The following TULP4 variants were observed in gnomAD, a reference collection of about 807,000 sequenced individuals.
TULP4 encodes the protein TUB like protein 4, also known as tubby-related protein 4.
A neutral mutation model predicts 129.0 loss-of-function variants in TULP4; 16 were observed. The ratio of observed to expected loss-of-function variants is 0.12; its 90% CI spans 0.08 to 0.19. The LOEUF (loss-of-function observed/expected upper bound fraction) is 0.19. TULP4 is among the 10% of genes least tolerant of loss of function. The probability of loss-of-function intolerance (pLI) is 1.00; values close to 1 mark genes in which losing one functional copy is unlikely to be tolerated. For synonymous variants in TULP4, 998 were observed against 854.0 expected (o/e 1.17, Z -2.94); for missense variants, 1,842 against 2,059.1 (o/e 0.89, Z 2.04).
At chr6:158,392,790 A>ATTTTTTTTTTTTTTT (rs1554286987) in intron 1 of TULP4, among the ~76,000 whole-genome samples, 3 of 38,628 alleles carry the variant, frequency 7.8e-5, no homozygotes, top group Admixed American at 2.5e-4. Flanking sequence ...TTAAATTTGT[A>ATTTTTTTTTTTTTTT]TTTCTTTTTT....
At chr6:158,275,640 A>G (rs1379670400) in intron 1 of TULP4, among the ~76,000 whole-genome samples, 1 of 152,192 alleles carries the variant, frequency 6.6e-6, no homozygotes, top group Non-Finnish European at 1.5e-5. Context: ...ACTAATGGCA[A>G]GTTCTTTCAT....
intron 1 of TULP4, among the ~76,000 whole-genome samples, chr6:158,337,035 TTTTC>T (rs777358592): frequency 0.025 from 676 of 26,660 alleles, 15 homozygotes; most frequent in Middle Eastern, 0.04. Context: ...CTTTCTTTCT[TTTTC>T]TTTCTTTCTT....
Position 158,493,062 on chromosome 6 carries a change from C to T in TULP4, c.1632-511C>T, listed in dbSNP as rs1780252066. Among the ~76,000 whole-genome samples the T allele has an allele frequency of 6.6e-6, 1 of 152,250 alleles. No homozygotes were observed. Among genetic ancestry groups the T allele is most frequent in the African/African-American group, 2.4e-5 (1 of 41,464 alleles). Reference sequence around the variant, plus strand: ...TGTTCCACCTGCCATTTTCCCAGGACTGATTGTGCAGGCCCCTGGCAGAAG... The same window carrying T: ...TGTTCCACCTGCCATTTTCCCAGGATTGATTGTGCAGGCCCCTGGCAGAAG... On this transcript the variant is annotated intron_variant, in intron 9 of 13. Coordinates refer to ENST00000367097, the MANE Select transcript of TULP4 (RefSeq NM_020245.5). This position sits in a 1 kb window ranked among gnomAD's most constrained non-coding sequence, Gnocchi z 4.4.
intron 2 of TULP4, among the ~76,000 whole-genome samples, chr6:158,421,330 C>G (rs1040360194): frequency 4.6e-5 from 7 of 151,488 alleles, no homozygotes; most frequent in African/African-American, 1.7e-4. Context: ...CCACTGCACT[C>G]CAGCCTGGGC....
At chr6:158,237,255 G>T in intron 1 of TULP4, 3 of 978,398 alleles carry the variant, frequency 3.1e-6, no homozygotes, top group Non-Finnish European at 4.8e-6. Context: ...GCAGTTCTGT[G>T]CTTCTTGCTG....
At chr6:158,343,199 G>A (rs1244974392) in intron 1 of TULP4, among the ~76,000 whole-genome samples, 1 of 152,098 alleles carries the variant, frequency 6.6e-6, no homozygotes, top group Non-Finnish European at 1.5e-5. Flanking sequence ...TGACTCCACA[G>A]GGGAGGTTTG....
chr6:158,490,263 G>T (rs541361636), intron 9 of TULP4, among the ~76,000 whole-genome samples: 1 of 152,178 alleles, frequency 6.6e-6, no homozygotes, highest in Non-Finnish European at 1.5e-5. Flanking sequence ...AGGCGTGGTG[G>T]CGGGTGCCTG....
intron 1 of TULP4, among the ~76,000 whole-genome samples, chr6:158,243,329 T>C (rs533997098): frequency 6.6e-6 from 1 of 152,286 alleles, no homozygotes; most frequent in East Asian, 1.9e-4. Context: ...TTATCTTACC[T>C]TAAAAATTTT....
rs757991181 is a variant in TULP4, at chr6:158,481,307, G to A, written c.1486+18G>A. ...CAAACCAGGTGGGCCCCTCACCCGA[G>A]GGACTGGGACCTTGTTCTCCTGTGG... On this transcript the variant is annotated intron_variant, in intron 8 of 13. Transcript: ENST00000367097. 6.2e-7 allele frequency: 1 copy of A among 1,603,020 alleles called. No homozygotes were observed. The highest frequency in any genetic ancestry group is 1.1e-5 in the South Asian group (1 of 89,858).
chr6:158,370,679 G>A (rs1257234279), intron 1 of TULP4, among the ~76,000 whole-genome samples: 1 of 152,092 alleles, frequency 6.6e-6, no homozygotes, highest in African/African-American at 2.4e-5. Flanking sequence ...AACTGCATAT[G>A]GAAGATAATC....
chr6:158,440,666 CAGTT>C (rs1169118399), intron 3 of TULP4, among the ~76,000 whole-genome samples: 1 of 152,186 alleles, frequency 6.6e-6, no homozygotes, highest in African/African-American at 2.4e-5. Context: ...ACAGGAATCA[CAGTT>C]AGGAGAATGA....
intron 1 of TULP4, among the ~76,000 whole-genome samples, chr6:158,395,130 A>G (rs1206675309): frequency 6.6e-6 from 1 of 152,194 alleles, no homozygotes; most frequent in East Asian, 1.9e-4. Flanking sequence ...GGGCGGGGAC[A>G]CAAATCCAAA....
chr6:158,267,542 C>T (rs1290748390), intron 1 of TULP4, among the ~76,000 whole-genome samples: 3 of 152,304 alleles, frequency 2.0e-5, no homozygotes, highest in South Asian at 4.1e-4. Flanking sequence ...TTCTGACCCT[C>T]CCACTTCTGT....
chr6:158,504,309 C>T (rs1220589198), intron 13 of TULP4, 131 bp downstream of exon 13: 9 of 751,628 alleles, frequency 1.2e-5, no homozygotes, highest in Admixed American at 2.9e-5. Flanking sequence ...AGGTGGAGCT[C>T]ATGGGGTTAT....
intron 1 of TULP4, among the ~76,000 whole-genome samples, chr6:158,235,657 T>A (rs756588300): frequency 3.5e-4 from 54 of 152,186 alleles, no homozygotes; most frequent in Non-Finnish European, 6.2e-4. Context: ...CGAATTCCTG[T>A]CCTTCTAAAA....
chr6:158,456,764 G>T (rs1337203824), intron 5 of TULP4, among the ~76,000 whole-genome samples: 1 of 151,784 alleles, frequency 6.6e-6, no homozygotes, highest in Admixed American at 6.6e-5. Flanking sequence ...AACCTGGGAG[G>T]TGGAGGTTAC....
At chr6:158,246,979 T>C (rs1048683819) in intron 1 of TULP4, among the ~76,000 whole-genome samples, 3 of 152,188 alleles carry the variant, frequency 2.0e-5, no homozygotes, top group African/African-American at 7.2e-5. Context: ...TTCTCACTGT[T>C]ATTATTTTTA....
upstream of TULP4, among the ~76,000 whole-genome samples, chr6:158,308,146 C>T (rs576225167): frequency 2.5e-3 from 146 of 59,202 alleles, 12 homozygotes; most frequent in African/African-American, 6.5e-3. Flanking sequence ...GAGGAACCTG[C>T]GGCCTTCCGC....
At chr6:158,504,545 A>G (rs188708925) in intron 13 of TULP4, among the ~76,000 whole-genome samples, 266 of 145,658 alleles carry the variant, frequency 1.8e-3, no homozygotes, top group African/African-American at 6.5e-3. Context: ...TTTAGTAGAG[A>G]TGGGGTTTCA....
Sources: allele counts gnomAD v4.1 joint callset (sites outside exome capture counted in the v4.1 genomes callset), GRCh38; gene constraint gnomAD v4.1.1; non-coding constraint Gnocchi (gnomAD v3.1); transcripts MANE v1.5; gene names NCBI Gene and HGNC (gene_info 2026-07-23, HGNC 2026-07-21).